The following ZHX2 variants were observed in gnomAD, a reference collection of about 807,000 sequenced individuals.
ZHX2 encodes zinc fingers and homeoboxes protein 2.
ZHX2 carries 6 observed loss-of-function variants against 21.9 expected under a neutral mutation model. The observed-to-expected ratio is 0.27, with a 90% CI of 0.15 to 0.54. The LOEUF (loss-of-function observed/expected upper bound fraction) is 0.54. Ranked by LOEUF, ZHX2 falls within the 20% of genes least tolerant of loss-of-function variation. The probability of loss-of-function intolerance (pLI) is 0.95; values close to 1 mark genes in which losing one functional copy is unlikely to be tolerated. For synonymous variants in ZHX2, 434 were observed against 437.1 expected, an observed-to-expected ratio of 0.99 and a Z score of 0.09; for missense variants, 908 against 1,090.7, an observed-to-expected ratio of 0.83 and a Z score of 2.36.
chr8:122,916,877 C>A (rs1180798111), intron 2 of ZHX2, among the ~76,000 whole-genome samples: 1 of 152,146 alleles, frequency 6.6e-6, no homozygotes, highest in Non-Finnish European at 1.5e-5. Flanking sequence ...GACCTCCATC[C>A]ACCCCAAATC....
At chr8:122,949,264 G>A (rs1259581292) in intron 2 of ZHX2, among the ~76,000 whole-genome samples, 3 of 152,036 alleles carry the variant, frequency 2.0e-5, no homozygotes, top group East Asian at 1.9e-4. Context: ...CAGAGATTGC[G>A]GTAAGCCAAG....
chr8:122,861,621 TC>T (rs1819170305), intron 1 of ZHX2, among the ~76,000 whole-genome samples: 1 of 152,074 alleles, frequency 6.6e-6, no homozygotes, highest in Non-Finnish European at 1.5e-5. Context: ...TGCTGTGATG[TC>T]CCCCTCCTCA....
chr8:122,866,298 G>A (rs1019155414), intron 2 of ZHX2, among the ~76,000 whole-genome samples: 5 of 152,214 alleles, frequency 3.3e-5, no homozygotes, highest in Admixed American at 2.6e-4. Context: ...GATTCCCATA[G>A]TGATGATTCA....
intron 1 of ZHX2, among the ~76,000 whole-genome samples, chr8:122,794,126 G>C (rs902069119): frequency 1.3e-5 from 2 of 152,172 alleles, no homozygotes; most frequent in Non-Finnish European, 2.9e-5. Flanking sequence ...CTTTCACTGG[G>C]TGGTTGCTCA....
At chr8:122,832,668 A>G (rs930101096) in intron 1 of ZHX2, among the ~76,000 whole-genome samples, 1 of 152,186 alleles carries the variant, frequency 6.6e-6, no homozygotes, top group African/African-American at 2.4e-5. Context: ...GAGGGAACCC[A>G]GAGCCTAAAA....
chr8:122,803,762 C>G lies in ZHX2; in HGVS notation c.-283+21816C>G, dbSNP rs994246717. The stretch of plus-strand genomic sequence containing the variant: ...TGTCTTGGTCCCAGTAGTGCTCCCC[C>G]TGGCAGCTCATTATCCTCACCTGAG... On this transcript the variant is annotated intron_variant, in intron 1 of 3. Coordinates refer to ENST00000314393, the MANE Select transcript of ZHX2 (RefSeq NM_014943.5). Among the ~76,000 whole-genome samples, 6 of 152,362 alleles carry G rather than the reference C, an allele frequency of 3.9e-5. No individual in the cohort carries two copies. In the South Asian group the frequency reaches 1.0e-3, roughly 26 times the overall value.
At chr8:122,886,556 C>A (rs184092786) in intron 2 of ZHX2, among the ~76,000 whole-genome samples, 27 of 152,208 alleles carry the variant, frequency 1.8e-4, no homozygotes, top group Admixed American at 1.4e-3. Context: ...TAAAGGAAAC[C>A]AGGAAAAGAA....
intron 1 of ZHX2, among the ~76,000 whole-genome samples, chr8:122,785,867 C>G (rs1463316397): frequency 6.6e-6 from 1 of 152,102 alleles, no homozygotes; most frequent in African/African-American, 2.4e-5. Context: ...CTTTTAATCT[C>G]TAGGTACTAG....
Position 122,797,925 on chromosome 8 carries a change from G to T in ZHX2, c.-283+15979G>T, listed in dbSNP as rs75228315. On this transcript the variant is annotated intron_variant, in intron 1 of 3. Coordinates refer to ENST00000314393, the MANE Select transcript of ZHX2 (RefSeq NM_014943.5). ...TTACCAGGAGGGTTCAGCGTGCCAG[G>T]CCGATTCTCAGAACTGCACAGATTA... 7.2e-3 allele frequency among the ~76,000 whole-genome samples: 1,089 copies of T among 152,292 alleles called. 9 individuals carry two copies. Among genetic ancestry groups the T allele is most frequent in the African/African-American group, 0.025 (1,052 of 41,556 alleles).
At chr8:122,797,943 A>G (rs1259204897) in intron 1 of ZHX2, among the ~76,000 whole-genome samples, 3 of 152,212 alleles carry the variant, frequency 2.0e-5, no homozygotes, top group Non-Finnish European at 2.9e-5. Context: ...TCAGAACTGC[A>G]CAGATTAATT....
intron 2 of ZHX2, among the ~76,000 whole-genome samples, chr8:122,915,293 A>G (rs948761944): frequency 6.6e-6 from 1 of 152,090 alleles, no homozygotes; most frequent in African/African-American, 2.4e-5. Context: ...AGGGCCTGAG[A>G]TCTTATGAAC....
chr8:122,830,550 T>A (rs2130671355), intron 1 of ZHX2, among the ~76,000 whole-genome samples: 1 of 152,214 alleles, frequency 6.6e-6, no homozygotes, highest in South Asian at 2.1e-4. Flanking sequence ...AACCTTAATT[T>A]TTAGGTATTC....
intron 1 of ZHX2, among the ~76,000 whole-genome samples, chr8:122,797,466 C>T (rs1269560142): frequency 3.3e-5 from 5 of 152,218 alleles, no homozygotes; most frequent in Non-Finnish European, 7.4e-5. Context: ...ACAGAGAACC[C>T]TGGGCTGGCT....
At chr8:122,827,656 T>G (rs1818290422) in intron 1 of ZHX2, among the ~76,000 whole-genome samples, 1 of 152,166 alleles carries the variant, frequency 6.6e-6, no homozygotes, top group Non-Finnish European at 1.5e-5. Flanking sequence ...TCAGAATCTT[T>G]AGGGGGTGAA....
chr8:122,866,357 G>C (rs1425989010), intron 2 of ZHX2, among the ~76,000 whole-genome samples: 1 of 152,112 alleles, frequency 6.6e-6, no homozygotes, highest in Non-Finnish European at 1.5e-5. Context: ...GCATATTTCA[G>C]ATAAAAATTG....
intron 2 of ZHX2, among the ~76,000 whole-genome samples, chr8:122,870,059 G>T (rs1173437587): frequency 6.6e-6 from 1 of 152,184 alleles, no homozygotes; most frequent in East Asian, 1.9e-4. Context: ...TGGGTTCAGG[G>T]AGGCTTTCAA....
chr8:122,816,838 G>A lies in ZHX2; in HGVS notation c.-283+34892G>A, dbSNP rs76417575. ...TGTTAGTCAGACTGGGCTAACAGCTGTAACAACCCCAGAATTTAAATGGCT... is the reference window on the plus strand; with the variant it reads ...TGTTAGTCAGACTGGGCTAACAGCTATAACAACCCCAGAATTTAAATGGCT... On this transcript the variant is annotated intron_variant, in intron 1 of 3. Coordinates refer to ENST00000314393, the MANE Select transcript of ZHX2 (RefSeq NM_014943.5). Among the ~76,000 whole-genome samples, 734 of 152,244 alleles carry A rather than the reference G, an allele frequency of 4.8e-3. 5 individuals are homozygous for A. The highest frequency in any genetic ancestry group is 0.017 in the African/African-American group (711 of 41,532).
intron 2 of ZHX2, among the ~76,000 whole-genome samples, chr8:122,949,704 A>G (rs1242558581): frequency 6.6e-6 from 1 of 152,064 alleles, no homozygotes; most frequent in African/African-American, 2.4e-5. Flanking sequence ...GTCTCTACTA[A>G]AAATAAAAAT....
Position 122,782,994 on chromosome 8 carries a change from C to A in ZHX2, c.-283+1048C>A, listed in dbSNP as rs1817323607. Among the ~76,000 whole-genome samples, 1 of 152,202 alleles carries A rather than the reference C, an allele frequency of 6.6e-6. No individual in the cohort carries two copies. On this transcript the variant is annotated intron_variant, in intron 1 of 3. Transcript: ENST00000314393. This position sits in a 1 kb window ranked among gnomAD's most constrained non-coding sequence, Gnocchi z 5.3. The stretch of plus-strand genomic sequence containing the variant: ...ACGAAGATGAGCGGAAAGTTGGAAA[C>A]CAGCAGGCATCACAGGACGGTCCCT...
Sources: gnomAD v4.1 joint callset for allele counts (sites outside exome capture counted in the v4.1 genomes callset) on GRCh38, gnomAD v4.1.1 for gene constraint, Gnocchi (gnomAD v3.1) non-coding constraint, MANE v1.5 for transcripts, NCBI Gene and HGNC (gene_info 2026-07-23, HGNC 2026-07-21) for gene names.